Variants in WDR64 observed in about 807,000 individuals in gnomAD.
WDR64 encodes the protein WD repeat domain 64, also known as WD repeat-containing protein 64.
In WDR64, 112 loss-of-function variants were observed where a neutral mutation model predicts 139.3. The observed-to-expected ratio is 0.80, with a 90% confidence interval of 0.69 to 0.94. WDR64 has a LOEUF of 0.94. Among genes scored for constraint, WDR64 ranks in the 40% least tolerant of loss-of-function variants. WDR64 has a pLI of 0.00. For missense variants in WDR64, 1,206 were observed against 1,293.1 expected, an observed-to-expected ratio of 0.93 and a Z score of 1.03; for synonymous variants, 444 against 437.7, an observed-to-expected ratio of 1.01 and a Z score of -0.18.
chr1:241,678,637 T>C (rs1380304024), intron 5 of WDR64, among the ~76,000 whole-genome samples: 1 of 152,134 alleles, frequency 6.6e-6, no homozygotes, highest in African/African-American at 2.4e-5. Flanking sequence ...TTGTGATTTA[T>C]TTAATCCACA....
intron 10 of WDR64, among the ~76,000 whole-genome samples, chr1:241,731,132 A>G (rs1237325311): frequency 6.6e-6 from 1 of 152,222 alleles, no homozygotes; most frequent in South Asian, 2.1e-4. Context: ...AAAAGAAAAT[A>G]AAGAAATATA....
chr1:241,730,103 A>T (rs79511136), intron 10 of WDR64, among the ~76,000 whole-genome samples: 1 of 152,210 alleles, frequency 6.6e-6, no homozygotes, highest in African/African-American at 2.4e-5. Flanking sequence ...GGAAGAAAAA[A>T]TAAAAACTAA....
chr1:241,753,091 G>A (rs1670039381), intron 14 of WDR64, among the ~76,000 whole-genome samples: 1 of 152,060 alleles, frequency 6.6e-6, no homozygotes, highest in Admixed American at 6.5e-5. Flanking sequence ...AGGCCTTAGG[G>A]CAACACCTAA....
intron 8 of WDR64, among the ~76,000 whole-genome samples, chr1:241,706,016 T>C (rs1468385613): frequency 6.6e-6 from 1 of 152,240 alleles, no homozygotes; most frequent in Non-Finnish European, 1.5e-5. Context: ...TCATATACTT[T>C]TATGTCTTCA....
intron 13 of WDR64, among the ~76,000 whole-genome samples, chr1:241,747,326 T>C (rs1669801537): frequency 6.6e-6 from 1 of 152,196 alleles, no homozygotes; most frequent in South Asian, 2.1e-4. Flanking sequence ...ACAAGGTCTG[T>C]AGTCTAGTTA....
chr1:241,734,427 CACT>C (rs1558497467), intron 10 of WDR64, among the ~76,000 whole-genome samples: 1 of 152,084 alleles, frequency 6.6e-6, no homozygotes, highest in African/African-American at 2.4e-5. Context: ...TCACAAATAT[CACT>C]ACTGTCTTTC....
chr1:241,680,160 A>G (rs74150353), intron 6 of WDR64, among the ~76,000 whole-genome samples: 3,620 of 152,266 alleles, frequency 0.024, 134 homozygotes, highest in African/African-American at 0.081. Context: ...ACAGCAAATT[A>G]TATGGTGCAA....
intron 15 of WDR64, among the ~76,000 whole-genome samples, chr1:241,765,790 G>T (rs1431169750): frequency 3.9e-5 from 6 of 152,092 alleles, no homozygotes; most frequent in Admixed American, 2.6e-4. Flanking sequence ...AATATTTGAG[G>T]CAAGACAATT....
intron 14 of WDR64, among the ~76,000 whole-genome samples, chr1:241,754,785 T>C (rs992909646): frequency 2.0e-5 from 3 of 152,104 alleles, no homozygotes; most frequent in African/African-American, 7.2e-5. Context: ...GTGTTCTCAT[T>C]GTTCAACTCC....
At chr1:241,782,047 G>A (rs1003748832) in intron 22 of WDR64, among the ~76,000 whole-genome samples, 1 of 152,230 alleles carries the variant, frequency 6.6e-6, no homozygotes, top group East Asian at 1.9e-4. Flanking sequence ...AGCACTTTGG[G>A]AGGCTGAGGC....
chr1:241,684,590 T>A (rs1666937716), intron 7 of WDR64, among the ~76,000 whole-genome samples: 2 of 152,232 alleles, frequency 1.3e-5, no homozygotes, highest in South Asian at 4.1e-4. Context: ...GAAGACGCTG[T>A]GAGCTGGGCA....
At position 241,801,312 on chromosome 1, in the gene WDR64, C is replaced by A; in HGVS notation, c.*97C>A. On this transcript the variant is annotated 3_prime_UTR_variant, in exon 28 of 28. Coordinates refer to ENST00000437684, the MANE Select transcript of WDR64 (RefSeq NM_001367482.1). The stretch of plus-strand genomic sequence containing the variant: ...GATGAGAGGGAGAAACCACCAGACA[C>A]TATCAGTCATCTCTGGTGTCAGGCC... The A allele has an allele frequency of 1.9e-6, 2 of 1,062,990 alleles. No homozygotes were observed. Among genetic ancestry groups the A allele is most frequent in the South Asian group, 2.8e-5 (2 of 71,778 alleles). 65.8% of individuals were successfully genotyped at this position (1,062,990 alleles called of 1,614,324 possible).
chr1:241,757,701 T>A (rs1319592763), intron 15 of WDR64, among the ~76,000 whole-genome samples: 2 of 140,280 alleles, frequency 1.4e-5, no homozygotes, highest in South Asian at 2.5e-4. Context: ...TTGCCCATGC[T>A]ACCAACACCT....
intron 24 of WDR64, 82 bp downstream of exon 24, chr1:241,788,116 A>T: frequency 7.9e-7 from 1 of 1,271,038 alleles, no homozygotes; most frequent in Non-Finnish European, 1.1e-6. Flanking sequence ...GAGATGGAGA[A>T]TTCAAGGCAA....
At chr1:241,724,007 A>T (rs974020344) in intron 10 of WDR64, among the ~76,000 whole-genome samples, 13 of 152,082 alleles carry the variant, frequency 8.5e-5, no homozygotes, top group Admixed American at 2.6e-4. Flanking sequence ...TGTCTATATA[A>T]GAACAATAAT....
chr1:241,780,002 A>T lies in WDR64; in HGVS notation c.2537-2A>T. On this transcript the variant is annotated splice_acceptor_variant, in intron 21 of 27. Transcript: ENST00000437684. LOFTEE classifies it high-confidence loss of function. ...AGATTCCAATGTTTAAATTTTATAC[A>T]GAAGGACATGTTATCCTTTGCAATA... 3 of 1,588,244 alleles carry T rather than the reference A, an allele frequency of 1.9e-6. No homozygotes were observed. The highest frequency in any genetic ancestry group is 2.6e-6 in the Non-Finnish European group (3 of 1,171,820).
chr1:241,772,533 G>A (rs1658501329), intron 19 of WDR64, among the ~76,000 whole-genome samples: 1 of 128,138 alleles, frequency 7.8e-6, no homozygotes, highest in South Asian at 2.5e-4. Context: ...TGCCATCTCA[G>A]CTCACTGCAA....
chr1:241,739,001 C>T (rs778993883), intron 11 of WDR64, among the ~76,000 whole-genome samples: 29 of 152,140 alleles, frequency 1.9e-4, no homozygotes, highest in Admixed American at 5.9e-4. Flanking sequence ...GAGTCAATGC[C>T]CCTTTTCTGC....
At chr1:241,768,489 G>A (rs563558561) in intron 16 of WDR64, among the ~76,000 whole-genome samples, 11 of 152,236 alleles carry the variant, frequency 7.2e-5, no homozygotes, top group Middle Eastern at 3.4e-3. Context: ...TTTGAGCCCA[G>A]ACTTAATATT....
Sources: gnomAD v4.1 joint callset for allele counts (sites outside exome capture counted in the v4.1 genomes callset) on GRCh38, gnomAD v4.1.1 for gene constraint, MANE v1.5 for transcripts, NCBI Gene and HGNC (gene_info 2026-07-23, HGNC 2026-07-21) for gene names.